Variants in TMEM132B observed in about 807,000 individuals in gnomAD.
TMEM132B encodes transmembrane protein 132B.
Under a neutral mutation model 90.8 loss-of-function variants are expected in TMEM132B, and 18 were observed. The observed-to-expected ratio is 0.20, with a 90% CI of 0.14 to 0.29. TMEM132B has a LOEUF of 0.29. Ranked by LOEUF, TMEM132B falls within the 10% of genes least tolerant of loss-of-function variation. The pLI, the probability that TMEM132B is intolerant of heterozygous loss-of-function variation, is 1.00. For missense variants in TMEM132B, 1,096 were observed against 1,326.8 expected (o/e 0.83, Z 2.70); for synonymous variants, 504 against 523.3 (o/e 0.96, Z 0.50).
chr12:125,224,682 G>A (rs1219906583), intron 1 of TMEM132B, among the ~76,000 whole-genome samples: 1 of 152,230 alleles, frequency 6.6e-6, no homozygotes, highest in Non-Finnish European at 1.5e-5. Context: ...GTTTTAAGAG[G>A]AAGGGCAGAA....
At chr12:125,514,202 C>T (rs763615788) in intron 3 of TMEM132B, among the ~76,000 whole-genome samples, 5 of 152,104 alleles carry the variant, frequency 3.3e-5, no homozygotes, top group African/African-American at 1.2e-4. Context: ...CGCCACACGC[C>T]CCCCACCCCC....
At chr12:125,189,490 G>A (rs1362700904) in intron 1 of TMEM132B, among the ~76,000 whole-genome samples, 1 of 151,870 alleles carries the variant, frequency 6.6e-6, no homozygotes, top group Non-Finnish European at 1.5e-5. Context: ...CTGGCACCTT[G>A]GTGTGGCATG....
rs145546540 is a variant in TMEM132B, at chr12:125,655,048, T to G, written c.*338T>G. On this transcript the variant is annotated 3_prime_UTR_variant, in exon 9 of 9. Transcript: ENST00000682704. ...AATGGCCATGTGGAATTAGAAAAGA[T>G]TTGGGTGTTGATTTTTCTATTTCTA... 8.7e-6 allele frequency: 2 copies of G among 228,952 alleles called. No individual in the cohort carries two copies. The highest frequency in any genetic ancestry group is 1.7e-5 in the Non-Finnish European group (2 of 116,772). The allele number at this position is 228,952 out of a possible 1,614,324, so 14.2% of individuals were successfully genotyped here.
chr12:125,576,939 G>A (rs1457184374), intron 4 of TMEM132B, among the ~76,000 whole-genome samples: 2 of 150,636 alleles, frequency 1.3e-5, no homozygotes, highest in African/African-American at 4.9e-5. Flanking sequence ...ATATTGGCCT[G>A]TAGTTTTCTT....
At chr12:125,462,862 AT>A in intron 3 of TMEM132B, among the ~76,000 whole-genome samples, 1 of 152,146 alleles carries the variant, frequency 6.6e-6, no homozygotes, top group African/African-American at 2.4e-5. Flanking sequence ...ATGTTGGCAT[AT>A]TTGTTTGTTT....
At chr12:125,644,029 G>T (rs1318263125) in intron 5 of TMEM132B, 47 bp from the exon 6 acceptor site, 4 of 1,561,772 alleles carry the variant, frequency 2.6e-6, no homozygotes, top group Middle Eastern at 1.7e-4. Context: ...TTTTTTCCTT[G>T]TGCTTTTCCT....
At chr12:125,496,181 A>G (rs1255582437) in intron 3 of TMEM132B, among the ~76,000 whole-genome samples, 8 of 152,184 alleles carry the variant, frequency 5.3e-5, no homozygotes, top group Non-Finnish European at 4.4e-5. Flanking sequence ...TTTCAAAATA[A>G]GCTTATAAAA....
chr12:125,237,881 G>A (rs1593051409), intron 1 of TMEM132B, among the ~76,000 whole-genome samples: 2 of 152,312 alleles, frequency 1.3e-5, no homozygotes, highest in African/African-American at 2.4e-5. Context: ...GGTTGATGGT[G>A]TTGAATGAAC....
chr12:125,430,845 A>G (rs905322719), intron 3 of TMEM132B, among the ~76,000 whole-genome samples: 1 of 152,200 alleles, frequency 6.6e-6, no homozygotes, highest in Non-Finnish European at 1.5e-5. Flanking sequence ...TAAGGCAGGT[A>G]AATGGACAGA....
At chr12:125,270,290 A>T (rs996169627) in intron 1 of TMEM132B, among the ~76,000 whole-genome samples, 2 of 152,010 alleles carry the variant, frequency 1.3e-5, no homozygotes, top group Admixed American at 1.3e-4. Context: ...GTGCACCACC[A>T]TGCATCCTAC....
rs148232345 is a variant in TMEM132B at position 125,618,190 on chromosome 12, T to G, written c.1438-25886T>G. 7.2e-4 allele frequency among the ~76,000 whole-genome samples: 110 copies of G among 152,280 alleles called. 1 individual carries two copies. The East Asian group carries it at 0.018, about 25-fold the overall frequency. ...TGGGTGGGGACACTAGCCTCTAGTA[T>G]TCTCAGCCTGCCTCTCCCAAATTGG... On this transcript the variant is annotated intron_variant, in intron 5 of 8. Coordinates refer to ENST00000682704, the MANE Select transcript of TMEM132B (RefSeq NM_001366854.1).
In TMEM132B at chr12:125,505,177, A is replaced by ACAAAC. The variant is rs1566056567; in HGVS notation, c.1107-14262_1107-14261insCAAAC. Among the ~76,000 whole-genome samples, 389 of 137,178 alleles carry ACAAAC rather than the reference A, an allele frequency of 2.8e-3. 2 individuals are homozygous for ACAAAC. The highest frequency in any genetic ancestry group is 4.7e-3 in the Non-Finnish European group (313 of 66,076). 90.0% of individuals were successfully genotyped at this position (137,178 alleles called of 152,430 possible). On this transcript the variant is annotated intron_variant, in intron 3 of 8. Transcript: ENST00000682704. ...CACACACCAGAGGACAAAAAAAAAA[A>ACAAAC]AAAAAAAAAAAAAAAAAACAGTAAG...
At chr12:125,236,958 G>A (rs551063695) in intron 1 of TMEM132B, among the ~76,000 whole-genome samples, 2 of 152,336 alleles carry the variant, frequency 1.3e-5, no homozygotes, top group South Asian at 4.1e-4. Flanking sequence ...AGGAGAGGGA[G>A]GAAAGACAAG....
intron 5 of TMEM132B, among the ~76,000 whole-genome samples, chr12:125,614,846 A>G (rs563367571): frequency 1.3e-5 from 2 of 152,224 alleles, no homozygotes; most frequent in South Asian, 2.1e-4. Flanking sequence ...TTCCTTTACC[A>G]TTTCTTGTAA....
chr12:125,231,208 C>CGTGTGT (rs140099684), intron 1 of TMEM132B, among the ~76,000 whole-genome samples: 14 of 146,452 alleles, frequency 9.6e-5, no homozygotes, highest in Non-Finnish European at 1.7e-4. Flanking sequence ...GGCTGTCTTC[C>CGTGTGT]GTGTGTGTGT....
At chr12:125,355,699 T>A (rs1877743591) in intron 2 of TMEM132B, among the ~76,000 whole-genome samples, 2 of 152,210 alleles carry the variant, frequency 1.3e-5, no homozygotes, top group Admixed American at 1.3e-4. Context: ...CTCTTATGAA[T>A]GAGATGTGAC....
chr12:125,386,994 G>A lies in TMEM132B; in HGVS notation c.960-28537G>A, dbSNP rs140585384. Among the ~76,000 whole-genome samples, 202 of 152,286 alleles carry A rather than the reference G, an allele frequency of 1.3e-3. 1 individual carries two copies. Among genetic ancestry groups the A allele is most frequent in the African/African-American group, 4.6e-3 (192 of 41,564 alleles). On this transcript the variant is annotated intron_variant, in intron 2 of 8. Coordinates refer to ENST00000682704, the MANE Select transcript of TMEM132B (RefSeq NM_001366854.1). ...TTAGTCTCTAAAGGCTGTTTTTGAA[G>A]TGATGACACACAGTTAAGGACACTG...
chr12:125,374,940 A>G (rs1413953402), intron 2 of TMEM132B, among the ~76,000 whole-genome samples: 2 of 152,186 alleles, frequency 1.3e-5, no homozygotes, highest in South Asian at 2.1e-4. Flanking sequence ...GCTGAAATCC[A>G]TAAGATCAGA....
chr12:125,229,412 C>A (rs188446046), intron 1 of TMEM132B, among the ~76,000 whole-genome samples: 65 of 152,336 alleles, frequency 4.3e-4, no homozygotes, highest in African/African-American at 1.5e-3. Context: ...TCACTAGGTT[C>A]ATTCCTCTTC....
Sources: allele counts gnomAD v4.1 joint callset (sites outside exome capture counted in the v4.1 genomes callset), GRCh38; gene constraint gnomAD v4.1.1; transcripts MANE v1.5; gene names NCBI Gene and HGNC (gene_info 2026-07-23, HGNC 2026-07-21).